Variants in POLRMT observed in about 807,000 individuals in gnomAD.
The protein encoded by POLRMT is DNA-directed RNA polymerase, mitochondrial.
A neutral mutation model predicts 132.2 loss-of-function variants in POLRMT; 114 were observed. The ratio of observed to expected loss-of-function variants is 0.86; its 90% CI spans 0.74 to 1.01. The LOEUF is 1.01. POLRMT is among the 50% of genes least tolerant of loss of function. The pLI is 0.00. For missense variants in POLRMT, 2,003 were observed against 1,729.1 expected, an observed-to-expected ratio of 1.16 and a Z score of -2.81; for synonymous variants, 1,020 against 773.4, an observed-to-expected ratio of 1.32 and a Z score of -5.29.
chr19:620,134 G>T, intron 11 of POLRMT, 54 bp from the exon 12 acceptor site: 1 of 1,529,184 alleles, frequency 6.5e-7, no homozygotes, highest in Non-Finnish European at 8.8e-7. Context: ...GAGACGTGTG[G>T]GACCCCAAAC....
At position 621,367 on chromosome 19, in the gene POLRMT, C is replaced by A. The variant is rs776509160; in HGVS notation, c.2331G>T (p.Ala777=). ...CCAGCGAGAGGCGGTACAGCGCCTC[C>A]GCCCGCAGGCTGTGCATCTCCCGGG... ...KVAREMHSLR[A]EALYRLSLAQ... The change falls in exon 10 of 21, where the codon GCG becomes GCT. Residue 777 remains alanine, a synonymous_variant. Transcript: ENST00000588649. The A allele has an allele frequency of 1.3e-6, 2 of 1,560,592 alleles. No individual in the cohort carries two copies. The highest frequency in any genetic ancestry group is 1.4e-5 in the African/African-American group (1 of 73,580).
At chr19:624,491 C>G (rs1984873066) in intron 5 of POLRMT, among the ~76,000 whole-genome samples, 1 of 152,172 alleles carries the variant, frequency 6.6e-6, no homozygotes, top group South Asian at 2.1e-4. Context: ...ACCCCACCCT[C>G]TCTCTGCGGC....
intron 3 of POLRMT, among the ~76,000 whole-genome samples, chr19:626,527 C>T (rs1985025169): frequency 6.7e-6 from 1 of 148,880 alleles, no homozygotes; most frequent in Non-Finnish European, 1.5e-5. Flanking sequence ...TGGCTCATGC[C>T]TGTAACCCCA....
At chr19:623,696 G>A (rs776694012) in intron 5 of POLRMT, 93 bp from the exon 6 acceptor site, 305 of 1,448,784 alleles carry the variant, frequency 2.1e-4, no homozygotes, top group Admixed American at 4.9e-4. Flanking sequence ...GCGTTTCTGC[G>A]TCTCCTGCAA....
chr19:630,312 A>G, intron 2 of POLRMT, 144 bp from the exon 3 acceptor site: 2 of 985,796 alleles, frequency 2.0e-6, no homozygotes, highest in Non-Finnish European at 2.9e-6. Context: ...CTTGCCAACA[A>G]CGTTGTAAGG....
At position 631,339 on chromosome 19, in the gene POLRMT, G is replaced by A. The variant is rs867319011; in HGVS notation, c.194-1171C>T. Among the ~76,000 whole-genome samples, 138 of 61,624 alleles carry A rather than the reference G, an allele frequency of 2.2e-3. 2 individuals carry two copies. Among genetic ancestry groups the A allele is most frequent in the Middle Eastern group, 8.1e-3 (1 of 124 alleles). 40.4% of individuals were successfully genotyped at this position (61,624 alleles called of 152,430 possible). On this transcript the variant is annotated intron_variant, in intron 2 of 20. Coordinates refer to ENST00000588649, the MANE Select transcript of POLRMT (RefSeq NM_005035.4). ...CAGGACCCTGTCTCAAAAAAAAAAA[G>A]GGGGGGGGGGACCCAGGTGTCCAGA...
In POLRMT at chr19:619,402, G is replaced by T. The variant is rs555012125; in HGVS notation, c.3067-106C>A. 7.8e-6 allele frequency: 11 copies of T among 1,413,066 alleles called. No homozygotes were observed. The East Asian group carries it at 9.2e-5, about 12-fold the overall frequency. The allele number at this position is 1,413,066 out of a possible 1,614,324, so 87.5% of individuals were successfully genotyped here. On this transcript the variant is annotated intron_variant, in intron 13 of 20. Coordinates refer to ENST00000588649, the MANE Select transcript of POLRMT (RefSeq NM_005035.4). ...AGGCCCAAGGCCTAGGGCCTAGCAG[G>T]GGGGCAGGGGAATGGGGCCTGGCGC...
At chr19:619,455 C>T in intron 13 of POLRMT, 131 bp downstream of exon 13, 3 of 1,396,744 alleles carry the variant, frequency 2.1e-6, no homozygotes, top group East Asian at 2.3e-5. Context: ...AACGCCCAAG[C>T]CCTAACAGGC....
rs1400079937 is a variant in POLRMT at position 619,969 on chromosome 19, C to T, written c.2875G>A (p.Val959Met). 6.2e-7 allele frequency: 1 copy of T among 1,600,886 alleles called. No homozygotes were observed. Among genetic ancestry groups the T allele is most frequent in the Non-Finnish European group, 8.5e-7 (1 of 1,177,614 alleles). The change falls in exon 12 of 21, where the codon GTG becomes ATG. Residue 959 changes from valine (V) to methionine (M), a missense_variant. Transcript: ENST00000588649. ...SDVPQDVYSG[V>M]AAQVEVFRRQ... Reference sequence around the variant, plus strand: ...AGGGCACACCCTACCTGCGCGGCCACGCCGCTGTACACGTCCTGCGGCACA... The same window carrying T: ...AGGGCACACCCTACCTGCGCGGCCATGCCGCTGTACACGTCCTGCGGCACA...
chr19:619,108 G>C lies in POLRMT; in HGVS notation c.3156C>G (p.His1052Gln). 15 of 1,611,954 alleles carry C rather than the reference G, an allele frequency of 9.3e-6. No homozygotes were observed. The highest frequency in any genetic ancestry group is 1.2e-5 in the Non-Finnish European group (14 of 1,179,418). ...TGAGGCGGGCACTCTCGGTCAGCCA[G>C]TGCTGTGGGACACAGGCCGTCTCAG... ...EMFSGTRAIQHWLTESARLIS... is the reference protein window; with the variant it reads ...EMFSGTRAIQQWLTESARLIS... Residue 1052 changes from histidine to glutamine, a missense_variant and splice_region_variant, in exon 15 of 21, where the codon CAC becomes CAG. Coordinates refer to ENST00000588649, the MANE Select transcript of POLRMT (RefSeq NM_005035.4).
Position 618,461 on chromosome 19 carries a change from G to A in POLRMT, c.3422+27C>T, listed in dbSNP as rs748718298. On this transcript the variant is annotated intron_variant, in intron 17 of 20. Transcript: ENST00000588649. ...AGAAGACGCCCCTGGGAGGCGAGCG[G>A]CACCCACGCCGTCCGGAGACGCCCA... 37 of 1,544,904 alleles carry A rather than the reference G, an allele frequency of 2.4e-5. No individual in the cohort carries two copies. In the Middle Eastern group the frequency reaches 5.3e-4, roughly 22 times the overall value.
In POLRMT at chr19:619,617, T is replaced by C; in HGVS notation, c.3035A>G (p.Lys1012Arg). 1.9e-6 allele frequency: 3 copies of C among 1,610,980 alleles called. No individual in the cohort carries two copies. The highest frequency in any genetic ancestry group is 1.7e-6 in the Non-Finnish European group (2 of 1,179,640). The change falls in exon 13 of 21, where the codon AAG (lysine) becomes AGG (arginine). Residue 1012 changes from lysine to arginine, a missense_variant. Coordinates refer to ENST00000588649, the MANE Select transcript of POLRMT (RefSeq NM_005035.4). ...TRYGGRLQIE[K>R]RLRELSDFPQ... The stretch of plus-strand genomic sequence containing the variant: ...AAAGTCGCTCAGCTCCCGGAGGCGC[T>C]TCTCAATCTGCAGGCGCCCGCCATA...
chr19:619,408 A>T (rs10853989), intron 13 of POLRMT, 112 bp from the exon 14 acceptor site: 2 of 1,380,812 alleles, frequency 1.4e-6, no homozygotes, highest in Non-Finnish European at 2.0e-6. Context: ...GCAGGGGGGC[A>T]GGGGAATGGG....
Position 619,325 on chromosome 19 carries a change from C to T in POLRMT, c.3067-29G>A, listed in dbSNP as rs375944524. 7.3e-4 allele frequency: 1,164 copies of T among 1,601,626 alleles called. 3 individuals carry two copies. Among genetic ancestry groups the T allele is most frequent in the Non-Finnish European group, 9.3e-4 (1,095 of 1,172,906 alleles). On this transcript the variant is annotated intron_variant, in intron 13 of 20. Transcript: ENST00000588649. ...CAGAGGGCGGGCAGCAGGTGCAGGT[C>T]CTCAGGGGCTGGCCCGTTCACGCCC...
rs376825536 is a variant in POLRMT at position 619,711 on chromosome 19, G to A, written c.2941C>T (p.Leu981=). Residue 981 remains leucine, a synonymous_variant, in exon 13 of 21, where the codon CTG becomes TTG. Coordinates refer to ENST00000588649, the MANE Select transcript of POLRMT (RefSeq NM_005035.4). ...ACCTTGCGGGTGATGAAACCTTCCA[G>A]CACCTGTGCCACCCGCATGCCCCGC... ...AQRGMRVAQV[L]EGFITRKVVK... The A allele has an allele frequency of 4.7e-5, 76 of 1,606,500 alleles. 1 individual carries two copies. The African/African-American group carries it at 8.4e-4, about 18-fold the overall frequency.
At position 629,520 on chromosome 19, in the gene POLRMT, C is replaced by A; in HGVS notation, c.822+20G>T. 1 of 1,491,544 alleles carries A rather than the reference C, an allele frequency of 6.7e-7. No homozygotes were observed. Among genetic ancestry groups the A allele is most frequent in the Non-Finnish European group, 8.9e-7 (1 of 1,122,468 alleles). 92.4% of individuals were successfully genotyped at this position (1,491,544 alleles called of 1,614,324 possible). On this transcript the variant is annotated intron_variant, in intron 3 of 20. Coordinates refer to ENST00000588649, the MANE Select transcript of POLRMT (RefSeq NM_005035.4). ...TCTCCAACGACCAGGGCAGGTGGCCCGGCTCCCGGCTGCACTCACCTGCCG... is the reference window on the plus strand; with the variant it reads ...TCTCCAACGACCAGGGCAGGTGGCCAGGCTCCCGGCTGCACTCACCTGCCG...
At chr19:625,304 C>T in intron 3 of POLRMT, 50 bp from the exon 4 acceptor site, 1 of 1,607,570 alleles carries the variant, frequency 6.2e-7, no homozygotes, top group South Asian at 1.1e-5. Context: ...CCAACCTCCA[C>T]ATCCTCCCTG....
chr19:633,455 A>G lies in POLRMT; in HGVS notation c.58T>C (p.Cys20Arg). ...AAGLKRALRP[C>R]GRPGLPGKEG... ...TTGCCGGGGAGTCCCGGGCGGCCGC[A>G]AGGCCGTAGGGCTCGTTTGAGCCCC... The change falls in exon 1 of 21, where the codon TGC (cysteine) becomes CGC (arginine). Residue 20 changes from cysteine to arginine, a missense_variant. By Grantham distance (180) the Cys-to-Arg change is radical. Transcript: ENST00000588649. 1 of 1,559,876 alleles carries G rather than the reference A, an allele frequency of 6.4e-7. No individual in the cohort carries two copies. Among genetic ancestry groups the G allele is most frequent in the Non-Finnish European group, 8.7e-7 (1 of 1,152,670 alleles).
intron 17 of POLRMT, 167 bp downstream of exon 17, chr19:618,321 A>G (rs1042259344): frequency 1.7e-6 from 1 of 605,286 alleles, no homozygotes; most frequent in Admixed American, 3.0e-5. Flanking sequence ...GACCACCTAC[A>G]TTCGGGGCAC....
Sources: gnomAD v4.1 joint callset for allele counts (sites outside exome capture counted in the v4.1 genomes callset) on GRCh38, gnomAD v4.1.1 for gene constraint, MANE v1.5 for transcripts, NCBI Gene and HGNC (gene_info 2026-07-23, HGNC 2026-07-21) for gene names.